SOHLH1: variants seen among roughly 807,000 people sequenced by gnomAD.
SOHLH1 encodes spermatogenesis- and oogenesis-specific basic helix-loop-helix-containing protein 1.
A neutral mutation model predicts 36.2 loss-of-function variants in SOHLH1; 23 were observed. The ratio of observed to expected loss-of-function variants is 0.64; its 90% CI spans 0.46 to 0.90. SOHLH1 has a LOEUF of 0.90. Among genes scored for constraint, SOHLH1 ranks in the 40% least tolerant of loss-of-function variants. SOHLH1 has a pLI of 0.00. For missense variants in SOHLH1, 608 were observed against 517.0 expected (o/e 1.18, Z -1.71); for synonymous variants, 289 against 228.3 (o/e 1.27, Z -2.40).
intron 1 of SOHLH1, 94 bp from the exon 2 acceptor site, chr9:135,699,220 TG>T: frequency 6.5e-7 from 1 of 1,541,308 alleles, no homozygotes. Flanking sequence ...GGGGTGCGGG[TG>T]GAAGCCAAGA....
At chr9:135,696,351 G>T (rs1834798451) in intron 5 of SOHLH1, among the ~76,000 whole-genome samples, 1 of 152,122 alleles carries the variant, frequency 6.6e-6, no homozygotes, top group Non-Finnish European at 1.5e-5. Flanking sequence ...CTCCCATGGT[G>T]GCCTTTGCCC....
At position 135,696,687 on chromosome 9, in the gene SOHLH1, T is replaced by G. The variant is rs1049286129; in HGVS notation, c.586A>C (p.Thr196Pro). 4 of 1,612,924 alleles carry G rather than the reference T, an allele frequency of 2.5e-6. No individual in the cohort carries two copies. The highest frequency in any genetic ancestry group is 3.4e-6 in the Non-Finnish European group (4 of 1,179,938). ...TCACACTTGTCCGTGCCCAGGGACG[T>G]GCAGCTCGCGGGGTCCCACTGCCTG... ...SSRQWDPASC[T>P]SLGTDKCEAL... is the part of the protein sequence containing the mutation. Residue 196 changes from threonine to proline, a missense_variant, in exon 5 of 8, where the codon ACG becomes CCG. By Grantham distance (38) the Thr-to-Pro change is conservative. Coordinates refer to ENST00000425225, the MANE Select transcript of SOHLH1 (RefSeq NM_001101677.2).
upstream of SOHLH1, among the ~76,000 whole-genome samples, chr9:135,701,065 C>G (rs181164606): frequency 6.6e-6 from 1 of 152,234 alleles, no homozygotes; most frequent in Non-Finnish European, 1.5e-5. Flanking sequence ...CACCATCTTG[C>G]CCCGGCGGCA....
At position 135,693,550 on chromosome 9, in the gene SOHLH1, G is replaced by A; in HGVS notation, c.*47C>T. ...CAAGCACGCGACAGGGACACACACG[G>A]CTCCAGATCCACCGGCCCCGCCCGC... On this transcript the variant is annotated 3_prime_UTR_variant, in exon 8 of 8. Coordinates refer to ENST00000425225, the MANE Select transcript of SOHLH1 (RefSeq NM_001101677.2). The A allele has an allele frequency of 6.6e-7, 1 of 1,522,456 alleles. No homozygotes were observed. Among genetic ancestry groups the A allele is most frequent in the Non-Finnish European group, 8.9e-7 (1 of 1,127,036 alleles). The allele number at this position is 1,522,456 out of a possible 1,614,324, so 94.3% of individuals were successfully genotyped here. A position where few individuals can be genotyped will look rare whatever the true frequency, so the allele number is the denominator to read the frequency against.
At position 135,697,391 on chromosome 9, in the gene SOHLH1, C is replaced by T. The variant is rs548156183; in HGVS notation, c.467+115G>A. 8,023 of 1,477,390 alleles carry T rather than the reference C, an allele frequency of 5.4e-3. 72 individuals carry two copies. Among genetic ancestry groups the T allele is most frequent in the South Asian group, 0.026 (2,225 of 85,852 alleles). 91.5% of individuals were successfully genotyped at this position (1,477,390 alleles called of 1,614,324 possible). The stretch of plus-strand genomic sequence containing the variant: ...AGGGCCCTGGGCAGGTCACCACCTG[C>T]GGAGGCCAAGCCGGGCCTCCAGGCC... On this transcript the variant is annotated intron_variant, in intron 4 of 7. Transcript: ENST00000425225.
At chr9:135,700,170 C>A (rs77193046), upstream of SOHLH1, among the ~76,000 whole-genome samples, 4,389 of 152,246 alleles carry the variant, frequency 0.029, 184 homozygotes, top group East Asian at 0.19. Flanking sequence ...CAAGCACCAT[C>A]CCCGCTTTAT....
rs144035874 is a variant in SOHLH1, at chr9:135,694,417, G to A, written c.916C>T (p.Leu306=). Residue 306 remains leucine, a synonymous_variant, in exon 7 of 8, where the codon CTG becomes TTG. Coordinates refer to ENST00000425225, the MANE Select transcript of SOHLH1 (RefSeq NM_001101677.2). ...CACGAGCTGGGACCAGCAGTCAGCA[G>A]GAAGGACGTCCCATCGTCCACATCA... ...GSDVDDGTSF[L]LTAGPSSWPG... The A allele has an allele frequency of 3.1e-6, 5 of 1,613,196 alleles. No homozygotes were observed. The African/African-American group carries it at 4.0e-5, about 13-fold the overall frequency.
intron 5 of SOHLH1, 112 bp from the exon 6 acceptor site, chr9:135,695,375 C>CT (rs1834751142): frequency 1.1e-6 from 1 of 891,752 alleles, no homozygotes; most frequent in South Asian, 1.5e-5. Flanking sequence ...AGCACCTGCT[C>CT]TGCTGCCTGC....
chr9:135,699,639 C>T (rs1834966070), upstream of SOHLH1: 4 of 705,424 alleles, frequency 5.7e-6, no homozygotes, highest in East Asian at 5.4e-5. Context: ...GCAGCCAGCC[C>T]GGGGCCCACG....
intron 3 of SOHLH1, 69 bp from the exon 4 acceptor site, chr9:135,697,696 A>G (rs1430591334): frequency 6.4e-7 from 1 of 1,560,498 alleles, no homozygotes; most frequent in Non-Finnish European, 8.7e-7. Context: ...ACACGGTGAC[A>G]AGACTGCTAC....
intron 5 of SOHLH1, among the ~76,000 whole-genome samples, chr9:135,696,331 GA>G (rs1834797592): frequency 6.6e-6 from 1 of 152,144 alleles, no homozygotes; most frequent in African/African-American, 2.4e-5. Context: ...AGACAGGATA[GA>G]AGGAACAGCT....
In SOHLH1 at chr9:135,696,764, A is replaced by G. The variant is rs757102311; in HGVS notation, c.509T>C (p.Leu170Pro). The G allele has an allele frequency of 1.2e-6, 2 of 1,613,144 alleles. No individual in the cohort carries two copies. Among genetic ancestry groups the G allele is most frequent in the South Asian group, 1.1e-5 (1 of 91,084 alleles). The change falls in exon 5 of 8, where the codon CTG (leucine) becomes CCG (proline). Residue 170 changes from leucine (L) to proline (P), a missense_variant. By Grantham distance (98) the Leu-to-Pro change is moderately conservative. Coordinates refer to ENST00000425225, the MANE Select transcript of SOHLH1 (RefSeq NM_001101677.2). The part of the protein sequence containing the change: ...VKAFLESPWS[L>P]DPASASPEPV... ...CTCTGGGCTGGCCGACGCTGGATCCAGGGACCAAGGACTTTCCAGAAACGC... is the reference window on the plus strand; with the variant it reads ...CTCTGGGCTGGCCGACGCTGGATCCGGGGACCAAGGACTTTCCAGAAACGC...
upstream of SOHLH1, chr9:135,699,558 C>T: frequency 7.2e-7 from 1 of 1,386,492 alleles, no homozygotes; most frequent in African/African-American, 1.4e-5. Context: ...CTGCCACGTG[C>T]TTTCCACCTA....
In SOHLH1 at chr9:135,693,563, C is replaced by T. The variant is rs758431139; in HGVS notation, c.*34G>A. 12 of 1,529,400 alleles carry T rather than the reference C, an allele frequency of 7.8e-6. No homozygotes were observed. Among genetic ancestry groups the T allele is most frequent in the Admixed American group, 2.0e-5 (1 of 50,346 alleles). The allele number at this position is 1,529,400 out of a possible 1,614,324, so 94.7% of individuals were successfully genotyped here. ...GGGACACACACGGCTCCAGATCCAC[C>T]GGCCCCGCCCGCCTCCTCTCCACAG... On this transcript the variant is annotated 3_prime_UTR_variant, in exon 8 of 8. Transcript: ENST00000425225.
At chr9:135,700,591 C>T (rs948829073), upstream of SOHLH1, among the ~76,000 whole-genome samples, 1 of 152,168 alleles carries the variant, frequency 6.6e-6, no homozygotes, top group Admixed American at 6.5e-5. Context: ...CACACGGGGA[C>T]GTCTGTCCGG....
rs372765282 is a variant in SOHLH1, at chr9:135,698,472, G to T, written c.202C>A (p.Arg68=). 6.2e-7 allele frequency: 1 copy of T among 1,613,126 alleles called. No homozygotes were observed. Residue 68 remains arginine (R), a synonymous_variant, in exon 3 of 8, where the codon CGG becomes AGG. Transcript: ENST00000425225. ...AGACGCTCACAGCTCAACGACATCC[G>T]CTTCCTGGTTCCGGTCAAGAAACAA... The part of the protein sequence containing the change: ...NVISERERRK[R]MSLSCERLRA...
intron 3 of SOHLH1, 48 bp from the exon 4 acceptor site, chr9:135,697,675 A>G: frequency 6.3e-7 from 1 of 1,588,486 alleles, no homozygotes; most frequent in Non-Finnish European, 8.6e-7. Context: ...CAGTCAGCTG[A>G]GAAACCCAAG....
intron 7 of SOHLH1, 122 bp from the exon 8 acceptor site, chr9:135,693,936 C>T: frequency 6.9e-7 from 1 of 1,445,682 alleles, no homozygotes; most frequent in Non-Finnish European, 9.1e-7. Context: ...GTCCCCGCTG[C>T]ACAGAGGCTG....
chr9:135,700,909 C>T (rs564630703), upstream of SOHLH1, among the ~76,000 whole-genome samples: 119 of 152,250 alleles, frequency 7.8e-4, no homozygotes, highest in Middle Eastern at 3.4e-3. Context: ...TTTTTGTTTC[C>T]CTAAAGCCCT....
Sources: gnomAD v4.1 joint callset for allele counts (sites outside exome capture counted in the v4.1 genomes callset) on GRCh38, gnomAD v4.1.1 for gene constraint, MANE v1.5 for transcripts, NCBI Gene and HGNC (gene_info 2026-07-23, HGNC 2026-07-21) for gene names.